The following KIF16B variants were observed in gnomAD, a reference collection of about 807,000 sequenced individuals.
The protein encoded by KIF16B is kinesin family member 16B.
Under a neutral mutation model 156.3 loss-of-function variants are expected in KIF16B, and 98 were observed. The observed-to-expected ratio is 0.63, with a 90% CI of 0.53 to 0.74. The LOEUF is 0.74. Ranked by LOEUF, KIF16B falls within the 30% of genes least tolerant of loss-of-function variation. The probability of loss-of-function intolerance (pLI) is 0.00; values close to 1 mark genes in which losing one functional copy is unlikely to be tolerated. For missense variants in KIF16B, 1,421 were observed against 1,606.5 expected, an observed-to-expected ratio of 0.88 and a Z score of 1.97; for synonymous variants, 564 against 583.7, an observed-to-expected ratio of 0.97 and a Z score of 0.49.
chr20:16,443,034 A>G (rs2066844503), intron 12 of KIF16B, among the ~76,000 whole-genome samples: 1 of 152,198 alleles, frequency 6.6e-6, no homozygotes. Context: ...TCCAAAATCC[A>G]AAATGCTACA....
chr20:16,273,289 T>C lies in KIF16B; in HGVS notation c.3918A>G (p.Lys1306=), dbSNP rs745315399. 6.2e-7 allele frequency: 1 copy of C among 1,614,086 alleles called. No homozygotes were observed. Among genetic ancestry groups the C allele is most frequent in the East Asian group, 2.2e-5 (1 of 44,872 alleles). The part of the protein sequence containing the change: ...TICEFSPFFK[K]GVFDYSSHGT... ...CGTGGCTGCTGTAGTCAAAGACTCC[T>C]TTCTTGAAGAATGGTGAAAACTCAC... The change falls in exon 26 of 26, where the codon AAA becomes AAG. Residue 1306 remains lysine, a synonymous_variant. Coordinates refer to ENST00000354981, the MANE Select transcript of KIF16B (RefSeq NM_024704.5).
intron 22 of KIF16B, among the ~76,000 whole-genome samples, chr20:16,364,869 C>T (rs191245168): frequency 8.5e-4 from 130 of 152,254 alleles, no homozygotes; most frequent in Non-Finnish European, 1.6e-3. Context: ...GATTTTTATA[C>T]GATGCTCGTA....
chr20:16,555,219 C>T (rs1355016828), intron 1 of KIF16B, among the ~76,000 whole-genome samples: 1 of 152,218 alleles, frequency 6.6e-6, no homozygotes, highest in African/African-American at 2.4e-5. Flanking sequence ...TTACTCTGTG[C>T]AAGCACTTCA....
intron 12 of KIF16B, among the ~76,000 whole-genome samples, chr20:16,440,533 G>GCACACACACACACA (rs71192333): frequency 1.4e-5 from 2 of 138,252 alleles, no homozygotes; most frequent in Non-Finnish European, 3.1e-5. Context: ...ACAAGCGCGC[G>GCACACACACACACA]CACACACACA....
At chr20:16,450,292 G>A (rs2067044754) in intron 12 of KIF16B, among the ~76,000 whole-genome samples, 1 of 152,096 alleles carries the variant, frequency 6.6e-6, no homozygotes, top group African/African-American at 2.4e-5. Flanking sequence ...CTTGGGGCTG[G>A]ACTCATCTCA....
intron 3 of KIF16B, among the ~76,000 whole-genome samples, chr20:16,517,688 G>A (rs1192552678): frequency 2.0e-5 from 3 of 152,118 alleles, no homozygotes; most frequent in African/African-American, 7.2e-5. Flanking sequence ...AGGAACCCCA[G>A]GGGCACTCAG....
intron 25 of KIF16B, among the ~76,000 whole-genome samples, chr20:16,305,208 G>T (rs977643664): frequency 2.6e-5 from 4 of 151,916 alleles, no homozygotes; most frequent in African/African-American, 9.7e-5. Flanking sequence ...TTCTCCCGTG[G>T]ACCACAAACA....
chr20:16,550,358 G>A (rs1387344229), intron 1 of KIF16B, among the ~76,000 whole-genome samples: 1 of 151,812 alleles, frequency 6.6e-6, no homozygotes, highest in East Asian at 1.9e-4. Context: ...ACAGGTGCTG[G>A]AGAGGATGTG....
At chr20:16,512,958 C>CA (rs1287234562) in intron 4 of KIF16B, 35 bp from the exon 5 acceptor site, 1 of 1,480,564 alleles carries the variant, frequency 6.8e-7, no homozygotes. Flanking sequence ...AGCTGTCACT[C>CA]AAAATAAAAG....
intron 12 of KIF16B, among the ~76,000 whole-genome samples, chr20:16,433,430 C>T (rs1200559301): frequency 7.9e-5 from 12 of 152,100 alleles, no homozygotes; most frequent in African/African-American, 2.9e-4. Flanking sequence ...GGACTACATC[C>T]CAGTTTCGTT....
At chr20:16,348,781 G>A (rs918665273) in intron 23 of KIF16B, among the ~76,000 whole-genome samples, 3 of 152,204 alleles carry the variant, frequency 2.0e-5, no homozygotes, top group African/African-American at 7.2e-5. Context: ...TTCCTAAGGT[G>A]TGCAAGCTGT....
At position 16,309,807 on chromosome 20, in the gene KIF16B, ATG is replaced by A. The variant is rs1210387635; in HGVS notation, c.3795+2526_3795+2527del. Among the ~76,000 whole-genome samples the A allele has an allele frequency of 2.0e-4, 30 of 152,332 alleles. No homozygotes were observed. In the East Asian group the frequency reaches 4.8e-3, roughly 24 times the overall value. On this transcript the variant is annotated intron_variant, in intron 25 of 25. Coordinates refer to ENST00000354981, the MANE Select transcript of KIF16B (RefSeq NM_024704.5). ...GCAGATGTGTCCTACTTGAATCCAT[ATG>A]TGTTTATGTATTTATATATATGACT... is the stretch of plus-strand genomic sequence containing the variant.
rs1207473536 is a variant in KIF16B at position 16,504,482 on chromosome 20, T to C, written c.1066A>G (p.Lys356Glu). 1 of 1,614,014 alleles carries C rather than the reference T, an allele frequency of 6.2e-7. No individual in the cohort carries two copies. The highest frequency in any genetic ancestry group is 1.7e-5 in the Admixed American group (1 of 59,998). ...LSTLRYANRA[K>E]NIINKPTINE... Reference sequence around the variant, plus strand: ...ATGGTAGGCTTGTTGATGATGTTTTTGGCTCTATTTGCATAGCGAAGAGTA... The same window carrying C: ...ATGGTAGGCTTGTTGATGATGTTTTCGGCTCTATTTGCATAGCGAAGAGTA... Residue 356 changes from lysine to glutamate, a missense_variant, in exon 10 of 26, where the codon AAA (lysine) becomes GAA (glutamate). Physicochemically the swap from Lys to Glu is moderately conservative, Grantham distance 56. Coordinates refer to ENST00000354981, the MANE Select transcript of KIF16B (RefSeq NM_024704.5).
chr20:16,531,636 G>T (rs933451656), intron 1 of KIF16B, among the ~76,000 whole-genome samples: 4 of 152,214 alleles, frequency 2.6e-5, no homozygotes, highest in African/African-American at 9.7e-5. Flanking sequence ...GTTCTCAGGT[G>T]GGGGAATCGG....
chr20:16,514,329 G>A lies in KIF16B; in HGVS notation c.348+1219C>T, dbSNP rs868137192. On this transcript the variant is annotated intron_variant, in intron 4 of 25. Coordinates refer to ENST00000354981, the MANE Select transcript of KIF16B (RefSeq NM_024704.5). Reference sequence around the variant, plus strand: ...CTTCCCTTTTCGGAGAAGACTTCCCGAACAGCACTTACTGACTTCTTGTGT... The same window carrying A: ...CTTCCCTTTTCGGAGAAGACTTCCCAAACAGCACTTACTGACTTCTTGTGT... 1.1e-4 allele frequency among the ~76,000 whole-genome samples: 16 copies of A among 151,948 alleles called. 1 individual carries two copies. The highest frequency in any genetic ancestry group is 3.2e-3 in the Middle Eastern group (1 of 316).
chr20:16,508,396 G>T (rs1234152346), intron 6 of KIF16B, among the ~76,000 whole-genome samples: 1 of 152,144 alleles, frequency 6.6e-6, no homozygotes, highest in Non-Finnish European at 1.5e-5. Flanking sequence ...TAGGGCCACG[G>T]TCCCCAACTT....
Position 16,429,894 on chromosome 20 carries a change from A to G in KIF16B, c.1391T>C (p.Leu464Ser). The change falls in exon 13 of 26, where the codon TTG becomes TCG. Residue 464 changes from leucine to serine, a missense_variant. Leu to Ser is a moderately radical substitution (Grantham distance 145). Transcript: ENST00000354981. ...ATGATATAAGATGATTCCAGTACTC[A>G]AAAGGTCATCATCGATGCCAATCAA... ...PHLIGIDDDL[L>S]STGIILYHLK... 1 of 1,612,634 alleles carries G rather than the reference A, an allele frequency of 6.2e-7. No individual in the cohort carries two copies. Among genetic ancestry groups the G allele is most frequent in the Non-Finnish European group, 8.5e-7 (1 of 1,179,184 alleles).
chr20:16,412,377 G>A (rs1048264242), intron 15 of KIF16B, among the ~76,000 whole-genome samples: 1 of 152,090 alleles, frequency 6.6e-6, no homozygotes, highest in Non-Finnish European at 1.5e-5. Flanking sequence ...ACTCTTTCAA[G>A]AAGTCTATGA....
intron 12 of KIF16B, among the ~76,000 whole-genome samples, chr20:16,464,411 T>C (rs2067430076): frequency 6.6e-6 from 1 of 152,212 alleles, no homozygotes; most frequent in African/African-American, 2.4e-5. Flanking sequence ...AGACCCTTAA[T>C]GTATTTTTAA....
Sources: gnomAD v4.1 joint callset for allele counts (sites outside exome capture counted in the v4.1 genomes callset) on GRCh38, gnomAD v4.1.1 for gene constraint, MANE v1.5 for transcripts, NCBI Gene and HGNC (gene_info 2026-07-23, HGNC 2026-07-21) for gene names.